Variants in RGS6 observed in about 807,000 individuals in gnomAD.
The protein encoded by RGS6 is regulator of G-protein signaling 6.
In RGS6, 30 loss-of-function variants were observed where a neutral mutation model predicts 78.5. The observed-to-expected ratio is 0.38, with a 90% confidence interval of 0.29 to 0.52. The LOEUF is 0.52. Among genes scored for constraint, RGS6 ranks in the 20% least tolerant of loss-of-function variants. The probability of loss-of-function intolerance (pLI) is 0.85; values close to 1 mark genes in which losing one functional copy is unlikely to be tolerated. For synonymous variants in RGS6, 206 were observed against 206.0 expected (o/e 1.00, Z 0.00); for missense variants, 495 against 609.7 (o/e 0.81, Z 1.98).
At chr14:72,206,740 C>T (rs925686088) in intron 2 of RGS6, among the ~76,000 whole-genome samples, 3 of 150,514 alleles carry the variant, frequency 2.0e-5, no homozygotes, top group South Asian at 4.2e-4. Context: ...CAGGAAAGAC[C>T]CATCCCATAA....
At chr14:72,262,885 C>A (rs1311161775) in intron 2 of RGS6, among the ~76,000 whole-genome samples, 1 of 152,112 alleles carries the variant, frequency 6.6e-6, no homozygotes, top group Non-Finnish European at 1.5e-5. Flanking sequence ...TCTGTGTCCC[C>A]CCATGTTGGC....
intron 3 of RGS6, among the ~76,000 whole-genome samples, chr14:72,407,116 G>A (rs955358285): frequency 2.6e-5 from 4 of 152,134 alleles, no homozygotes; most frequent in Non-Finnish European, 5.9e-5. Flanking sequence ...ATGTCCTATT[G>A]TATTGTAGGT....
intron 2 of RGS6, among the ~76,000 whole-genome samples, chr14:72,100,218 T>G (rs964467093): frequency 6.6e-6 from 1 of 152,056 alleles, no homozygotes; most frequent in African/African-American, 2.4e-5. Flanking sequence ...AGAAAGAATA[T>G]AAGGGGCTGG....
chr14:71,946,902 A>C (rs1238096961), intron 1 of RGS6, among the ~76,000 whole-genome samples: 2 of 152,234 alleles, frequency 1.3e-5, no homozygotes, highest in Non-Finnish European at 2.9e-5. Flanking sequence ...ACCTAGGTTT[A>C]AGCAAAACTG....
At chr14:72,036,200 A>AGTCTTATTAT (rs138140828) in intron 2 of RGS6, among the ~76,000 whole-genome samples, 2,082 of 146,808 alleles carry the variant, frequency 0.014, 34 homozygotes, top group African/African-American at 0.039. Flanking sequence ...GCATGTAAAC[A>AGTCTTATTAT]TATTATTATT....
chr14:72,122,874 CTG>C (rs1402673153), intron 2 of RGS6, among the ~76,000 whole-genome samples: 2 of 151,612 alleles, frequency 1.3e-5, no homozygotes, highest in African/African-American at 4.9e-5. Flanking sequence ...CACTAATTAA[CTG>C]TGTTACTAGT....
chr14:72,620,460 T>C, the RGS6 span, among the ~76,000 whole-genome samples: 1 of 152,182 alleles, frequency 6.6e-6, no homozygotes, highest in Non-Finnish European at 1.5e-5. Flanking sequence ...CTCTTCAGGG[T>C]TTCATTAGAA....
At chr14:72,329,412 A>G (rs2074499520) in intron 2 of RGS6, among the ~76,000 whole-genome samples, 1 of 152,260 alleles carries the variant, frequency 6.6e-6, no homozygotes, top group South Asian at 2.1e-4. Flanking sequence ...GCAGCATGCC[A>G]GTGGACACAG....
At chr14:72,290,993 C>G (rs2063477311) in intron 2 of RGS6, among the ~76,000 whole-genome samples, 1 of 152,082 alleles carries the variant, frequency 6.6e-6, no homozygotes, top group African/African-American at 2.4e-5. Context: ...CTGGCTTCTG[C>G]TCCCGCCAGA....
intron 7 of RGS6, among the ~76,000 whole-genome samples, chr14:72,466,396 G>T (rs564744301): frequency 6.6e-6 from 1 of 152,310 alleles, no homozygotes; most frequent in Admixed American, 6.5e-5. Context: ...ATACCCTAGA[G>T]AAATCAGAAC....
chr14:72,046,376 T>C (rs909124674), intron 2 of RGS6, among the ~76,000 whole-genome samples: 3 of 152,176 alleles, frequency 2.0e-5, no homozygotes, highest in Non-Finnish European at 4.4e-5. Flanking sequence ...ACATTTTATT[T>C]CTAAAATTAA....
rs143846429 is a variant in RGS6, at chr14:72,457,575, G to A, written c.236-696G>A. On this transcript the variant is annotated intron_variant, in intron 4 of 17. Transcript: ENST00000553525. Reference sequence around the variant, plus strand: ...CTGGATTACAGGCGTGAGCCACCATGCCCGACCTATATTCTCAACTTTCTA... The same window carrying A: ...CTGGATTACAGGCGTGAGCCACCATACCCGACCTATATTCTCAACTTTCTA... Among the ~76,000 whole-genome samples, 872 of 152,234 alleles carry A rather than the reference G, an allele frequency of 5.7e-3. 4 individuals carry two copies. Among genetic ancestry groups the A allele is most frequent in the Middle Eastern group, 0.027 (8 of 294 alleles).
At chr14:72,420,175 A>T (rs2094096163) in intron 3 of RGS6, among the ~76,000 whole-genome samples, 1 of 152,232 alleles carries the variant, frequency 6.6e-6, no homozygotes, top group South Asian at 2.1e-4. Flanking sequence ...TTTTCTTTGC[A>T]CTGATCTCCT....
chr14:72,157,356 T>G (rs1283968053), intron 2 of RGS6, among the ~76,000 whole-genome samples: 1 of 152,140 alleles, frequency 6.6e-6, no homozygotes, highest in African/African-American at 2.4e-5. Context: ...GCCCCAGAAG[T>G]TCAGAACATT....
chr14:72,033,469 A>C (rs555951600), intron 2 of RGS6, among the ~76,000 whole-genome samples: 1 of 152,206 alleles, frequency 6.6e-6, no homozygotes, highest in African/African-American at 2.4e-5. Context: ...TCCTGGGCTC[A>C]AGTGGTCCTC....
chr14:71,942,000 T>C (rs534112886), intron 1 of RGS6, among the ~76,000 whole-genome samples: 172 of 152,308 alleles, frequency 1.1e-3, no homozygotes, highest in Middle Eastern at 3.4e-3. Context: ...CCCCAAAATA[T>C]ACCTGCCAAT....
intron 2 of RGS6, among the ~76,000 whole-genome samples, chr14:72,341,170 G>A (rs1008734531): frequency 7.2e-6 from 1 of 138,300 alleles, no homozygotes; most frequent in South Asian, 2.6e-4. Flanking sequence ...AAGCATGGCT[G>A]GGGAGGCCTC....
the RGS6 span, among the ~76,000 whole-genome samples, chr14:72,604,356 T>G: frequency 6.6e-6 from 1 of 152,208 alleles, no homozygotes; most frequent in African/African-American, 2.4e-5. Context: ...TGTCAAAGTC[T>G]TATACATTCT....
chr14:72,347,216 G>C (rs2078226166), intron 2 of RGS6, among the ~76,000 whole-genome samples: 1 of 152,182 alleles, frequency 6.6e-6, no homozygotes, highest in South Asian at 2.1e-4. Context: ...AAAGATGTCA[G>C]AAGTTAGAAG....
Sources: allele counts gnomAD v4.1 joint callset (sites outside exome capture counted in the v4.1 genomes callset), GRCh38; gene constraint gnomAD v4.1.1; transcripts MANE v1.5; gene names NCBI Gene and HGNC (gene_info 2026-07-23, HGNC 2026-07-21).